Variants in KIAA0513 observed in about 807,000 individuals in gnomAD.
KIAA0513 encodes the protein KIAA0513.
In KIAA0513, 39 loss-of-function variants were observed where a neutral mutation model predicts 56.5. The observed-to-expected ratio is 0.69, with a 90% CI of 0.53 to 0.90. The LOEUF (loss-of-function observed/expected upper bound fraction) is 0.90. Among genes scored for constraint, KIAA0513 ranks in the 40% least tolerant of loss-of-function variants. KIAA0513 has a pLI of 0.00. For synonymous variants in KIAA0513, 268 were observed against 215.6 expected (o/e 1.24, Z -2.13); for missense variants, 591 against 535.2 (o/e 1.10, Z -1.03).
chr16:85,074,328 G>A (rs932490674), intron 4 of KIAA0513, among the ~76,000 whole-genome samples: 4 of 139,576 alleles, frequency 2.9e-5, no homozygotes, highest in African/African-American at 5.5e-5. Flanking sequence ...ACACACACAC[G>A]TATATATACA....
rs144415563 is a variant in KIAA0513 at position 85,086,676 on chromosome 16, G to A, written c.1043G>A (p.Arg348His). The A allele has an allele frequency of 6.8e-5, 109 of 1,613,864 alleles. No individual in the cohort carries two copies. Among genetic ancestry groups the A allele is most frequent in the Non-Finnish European group, 8.7e-5 (103 of 1,179,998 alleles). ...EKWCHMTQEE[R>H]DDSLRFNENI... ...TGGTGCCACATGACCCAGGAGGAGC[G>A]CGACGACAGCCTCCGGTTCAACGAG... is the stretch of plus-strand genomic sequence containing the variant. The change falls in exon 11 of 13, where the codon CGC (arginine) becomes CAC (histidine). Residue 348 changes from arginine (R) to histidine (H), a missense_variant. Transcript: ENST00000683363.
chr16:85,093,588 T>G lies in KIAA0513; in HGVS notation c.*5263T>G, dbSNP rs1426916829. 6.6e-6 allele frequency: 1 copy of G among 152,544 alleles called. No individual in the cohort carries two copies. Among genetic ancestry groups the G allele is most frequent in the African/African-American group, 2.4e-5 (1 of 41,456 alleles). The allele number at this position is 152,544 out of a possible 1,614,324, so 9.4% of individuals were successfully genotyped here. ...CGCCCGCTCCCTCCTTAATCCTAGA[T>G]GATTTGCTCATGAAATAGAGGTGGG... On this transcript the variant is annotated 3_prime_UTR_variant, in exon 13 of 13. Transcript: ENST00000683363.
intron 4 of KIAA0513, among the ~76,000 whole-genome samples, chr16:85,073,962 G>GTTTTGTTTTTGTTTTTGTTTTTGT (rs56301630): frequency 6.6e-6 from 1 of 150,562 alleles, no homozygotes; most frequent in Non-Finnish European, 1.5e-5. Flanking sequence ...TTTTTGTTTT[G>GTTTTGTTTTTGTTTTTGTTTTTGT]TTTTGTTTTT....
chr16:85,059,531 A>G (rs546973077), intron 1 of KIAA0513, among the ~76,000 whole-genome samples: 18 of 152,340 alleles, frequency 1.2e-4, no homozygotes, highest in African/African-American at 4.1e-4. Flanking sequence ...TTAAGATGCT[A>G]TCAGATGCCA....
intron 4 of KIAA0513, 93 bp from the exon 5 acceptor site, chr16:85,075,751 C>G: frequency 2.0e-6 from 2 of 1,023,242 alleles, no homozygotes; most frequent in Non-Finnish European, 3.1e-6. Context: ...TTAATTGGGA[C>G]GCATGTGTCA....
At chr16:85,047,188 C>G (rs568054677) in intron 1 of KIAA0513, among the ~76,000 whole-genome samples, 2 of 152,198 alleles carry the variant, frequency 1.3e-5, no homozygotes, top group African/African-American at 2.4e-5. Flanking sequence ...TCAGATCTGT[C>G]CACTATGTAG....
At position 85,032,493 on chromosome 16, in the gene KIAA0513, T is replaced by G. The variant is rs187146252; in HGVS notation, c.-173+4635T>G. Among the ~76,000 whole-genome samples, 927 of 151,670 alleles carry G rather than the reference T, an allele frequency of 6.1e-3. 11 individuals are homozygous for G. Among genetic ancestry groups the G allele is most frequent in the South Asian group, 0.031 (148 of 4,804 alleles). On this transcript the variant is annotated intron_variant, in intron 1 of 12. Coordinates refer to ENST00000683363, the MANE Select transcript of KIAA0513 (RefSeq NM_001388359.1). ...GATTACAGGTGTGTGCCACCACGCC[T>G]GGCTAATTTTTGTATTTTTGGTAGA...
chr16:85,054,500 G>C (rs1165514037), intron 1 of KIAA0513, among the ~76,000 whole-genome samples: 1 of 146,942 alleles, frequency 6.8e-6, no homozygotes, highest in Non-Finnish European at 1.5e-5. Flanking sequence ...GCCACATCTC[G>C]GCTCACTGCA....
chr16:85,044,097 C>T (rs1315002923), intron 1 of KIAA0513, among the ~76,000 whole-genome samples: 1 of 152,150 alleles, frequency 6.6e-6, no homozygotes, highest in Non-Finnish European at 1.5e-5. Flanking sequence ...AACGTTTTTC[C>T]ATCTTTGTTT....
chr16:85,055,240 T>G (rs992386927), intron 1 of KIAA0513, among the ~76,000 whole-genome samples: 3 of 152,126 alleles, frequency 2.0e-5, no homozygotes, highest in African/African-American at 4.8e-5. Context: ...TGTGGTTTTT[T>G]TTTGTTTGTT....
intron 1 of KIAA0513, chr16:85,063,640 C>G (rs2073437314): frequency 6.6e-6 from 1 of 152,356 alleles, no homozygotes; most frequent in Admixed American, 6.5e-5. Context: ...CTTCCGGAGA[C>G]AGTGACTTGT....
chr16:85,036,534 C>T (rs1248109688), intron 1 of KIAA0513, among the ~76,000 whole-genome samples: 1 of 152,156 alleles, frequency 6.6e-6, no homozygotes, highest in East Asian at 1.9e-4. Flanking sequence ...TTGTCTAGTA[C>T]TGGGAAAGAG....
chr16:85,045,246 G>C (rs77882461), intron 1 of KIAA0513, among the ~76,000 whole-genome samples: 1,723 of 152,288 alleles, frequency 0.011, 40 homozygotes, highest in African/African-American at 0.039. Context: ...CGGGAGGCTG[G>C]GGCTACCACA....
chr16:85,060,501 C>T (rs2073388474), intron 1 of KIAA0513, among the ~76,000 whole-genome samples: 1 of 152,116 alleles, frequency 6.6e-6, no homozygotes, highest in African/African-American at 2.4e-5. Context: ...CCAGGGACCC[C>T]AGCTGTGAGG....
At chr16:85,068,406 C>T (rs927162152) in intron 2 of KIAA0513, among the ~76,000 whole-genome samples, 9 of 151,696 alleles carry the variant, frequency 5.9e-5, no homozygotes, top group Middle Eastern at 3.4e-3. Flanking sequence ...GATCTTGGCT[C>T]ACTGCAAGGT....
At chr16:85,070,589 A>T (rs2073558899) in intron 2 of KIAA0513, among the ~76,000 whole-genome samples, 1 of 152,166 alleles carries the variant, frequency 6.6e-6, no homozygotes, top group South Asian at 2.1e-4. Flanking sequence ...GAGGCAGGAA[A>T]ATCACTTGAA....
chr16:85,072,820 T>C, intron 3 of KIAA0513, 105 bp from the exon 4 acceptor site: 2 of 1,121,588 alleles, frequency 1.8e-6, no homozygotes, highest in Non-Finnish European at 1.3e-6. Context: ...TGGGCCCCCA[T>C]CCCAGCTGCA....
rs2073887073 is a variant in KIAA0513 at position 85,093,121 on chromosome 16, A to T, written c.*4796A>T. On this transcript the variant is annotated 3_prime_UTR_variant, in exon 13 of 13. Transcript: ENST00000683363. Reference sequence around the variant, plus strand: ...GCCCTGCCTCTGGTGCTGGCAAGGGATTGGGTTTGTGTGGGTGTCTCTAGC... The same window carrying T: ...GCCCTGCCTCTGGTGCTGGCAAGGGTTTGGGTTTGTGTGGGTGTCTCTAGC... 6.6e-6 allele frequency: 1 copy of T among 151,988 alleles called. No individual in the cohort carries two copies. Among genetic ancestry groups the T allele is most frequent in the Admixed American group, 6.6e-5 (1 of 15,250 alleles). The allele number at this position is 151,988 out of a possible 1,614,324, so 9.4% of individuals were successfully genotyped here.
At chr16:85,042,934 T>C (rs567342276) in intron 1 of KIAA0513, among the ~76,000 whole-genome samples, 2 of 152,354 alleles carry the variant, frequency 1.3e-5, no homozygotes, top group South Asian at 2.1e-4. Context: ...TATTCAAATA[T>C]AAGTTTTTAA....
Sources: gnomAD v4.1 joint callset for allele counts (sites outside exome capture counted in the v4.1 genomes callset) on GRCh38, gnomAD v4.1.1 for gene constraint, MANE v1.5 for transcripts, NCBI Gene and HGNC (gene_info 2026-07-23, HGNC 2026-07-21) for gene names.